Variants in TSPAN5 observed in about 807,000 individuals in gnomAD.
TSPAN5 encodes the protein tetraspanin-5.
In TSPAN5, 10 loss-of-function variants were observed where a neutral mutation model predicts 37.1. The ratio of observed to expected loss-of-function variants is 0.27; its 90% CI spans 0.17 to 0.46. The LOEUF is 0.46. Among genes scored for constraint, TSPAN5 ranks in the 20% least tolerant of loss-of-function variants. The probability of loss-of-function intolerance (pLI) is 1.00; values close to 1 mark genes in which losing one functional copy is unlikely to be tolerated. For synonymous variants in TSPAN5, 110 were observed against 118.9 expected (o/e 0.93, Z 0.48); for missense variants, 195 against 326.6 (o/e 0.60, Z 3.11).
chr4:98,656,321 C>T (rs1757293106), intron 1 of TSPAN5, among the ~76,000 whole-genome samples: 1 of 152,148 alleles, frequency 6.6e-6, no homozygotes, highest in East Asian at 1.9e-4. Flanking sequence ...AGAGAAAGTC[C>T]CTGGGTGCTT....
intron 1 of TSPAN5, among the ~76,000 whole-genome samples, chr4:98,649,266 C>A (rs188728432): frequency 3.3e-5 from 5 of 152,238 alleles, no homozygotes; most frequent in African/African-American, 9.6e-5. Context: ...CCACACCCCA[C>A]CAGCACAGAC....
chr4:98,534,884 G>T (rs1429176952), intron 1 of TSPAN5, among the ~76,000 whole-genome samples: 2 of 152,032 alleles, frequency 1.3e-5, no homozygotes, highest in Non-Finnish European at 2.9e-5. Flanking sequence ...CATTTGCTTG[G>T]TAAATATTCC....
At chr4:98,644,018 G>A (rs948218614) in intron 1 of TSPAN5, among the ~76,000 whole-genome samples, 3 of 152,100 alleles carry the variant, frequency 2.0e-5, no homozygotes, top group Admixed American at 6.5e-5. Flanking sequence ...AAAACTAACA[G>A]CCTGGTTTCT....
chr4:98,533,543 CTTTT>C lies in TSPAN5; in HGVS notation c.82-25819_82-25816del, dbSNP rs576852948. Among the ~76,000 whole-genome samples, 93 of 58,588 alleles carry C rather than the reference CTTTT, an allele frequency of 1.6e-3. 1 individual carries two copies. Among genetic ancestry groups the C allele is most frequent in the African/African-American group, 7.4e-3 (82 of 11,024 alleles). The allele number at this position is 58,588 out of a possible 152,430, so 38.4% of individuals were successfully genotyped here. A position where few individuals can be genotyped will look rare whatever the true frequency, so the allele number is the denominator to read the frequency against. On this transcript the variant is annotated intron_variant, in intron 1 of 7. Transcript: ENST00000305798. The stretch of plus-strand genomic sequence containing the variant: ...GGATTGGTGGTGATATCCCCTATAT[CTTTT>C]TTTTTTTTTTTTTTTTTTCTTGAGA...
intron 1 of TSPAN5, among the ~76,000 whole-genome samples, chr4:98,599,592 C>T (rs1755837805): frequency 6.6e-6 from 1 of 152,184 alleles, no homozygotes; most frequent in African/African-American, 2.4e-5. Flanking sequence ...TTAGTACCCC[C>T]ATGTCAAACT....
chr4:98,638,542 A>T (rs1043816619), intron 1 of TSPAN5, among the ~76,000 whole-genome samples: 1 of 152,186 alleles, frequency 6.6e-6, no homozygotes, highest in Non-Finnish European at 1.5e-5. Flanking sequence ...TGGTTATTTT[A>T]CATTTACTAG....
chr4:98,573,066 AAG>A (rs1579001653), intron 1 of TSPAN5, among the ~76,000 whole-genome samples: 1 of 152,358 alleles, frequency 6.6e-6, no homozygotes, highest in Non-Finnish European at 1.5e-5. Context: ...CTTATGGAGA[AAG>A]AGGATATTGA....
At chr4:98,609,342 C>T (rs755246446) in intron 1 of TSPAN5, among the ~76,000 whole-genome samples, 24 of 152,316 alleles carry the variant, frequency 1.6e-4, no homozygotes, top group Admixed American at 2.6e-4. Context: ...GAGTGGGGCG[C>T]ACCCAACCCC....
intron 1 of TSPAN5, among the ~76,000 whole-genome samples, chr4:98,523,617 G>T (rs1419566106): frequency 6.6e-6 from 1 of 152,096 alleles, no homozygotes; most frequent in East Asian, 1.9e-4. Flanking sequence ...GTATTTTTTA[G>T]TAGAGACAAG....
chr4:98,617,971 C>G (rs1756377542), intron 1 of TSPAN5, among the ~76,000 whole-genome samples: 1 of 152,240 alleles, frequency 6.6e-6, no homozygotes, highest in Admixed American at 6.5e-5. Flanking sequence ...CTTCACTTCA[C>G]AACAGGCCAT....
chr4:98,478,618 G>C (rs1752759831), intron 5 of TSPAN5, 67 bp downstream of exon 5: 1 of 1,601,936 alleles, frequency 6.2e-7, no homozygotes, highest in Admixed American at 1.7e-5. Context: ...AAATCACTCT[G>C]CTCGTCCCAT....
intron 1 of TSPAN5, among the ~76,000 whole-genome samples, chr4:98,622,786 G>A (rs569634066): frequency 5.9e-5 from 9 of 152,284 alleles, no homozygotes; most frequent in South Asian, 2.1e-4. Flanking sequence ...GATTCCATGA[G>A]AGAAAGTGCA....
rs765194857 is a variant in TSPAN5, at chr4:98,486,713, TGA to T, written c.279+23_279+24del. On this transcript the variant is annotated intron_variant, in intron 3 of 7. Transcript: ENST00000305798. ...GAAGGTAAAGTTTTGGCTCTCAATC[TGA>T]GAGTAGAGAGTGGAATACTTACAAA... 8.7e-6 allele frequency: 14 copies of T among 1,613,504 alleles called. No homozygotes were observed. In the East Asian group the frequency reaches 3.1e-4, roughly 36 times the overall value.
intron 3 of TSPAN5, chr4:98,484,346 T>C: frequency 2.3e-6 from 1 of 427,950 alleles, no homozygotes; most frequent in South Asian, 1.7e-5. Flanking sequence ...GGGAATCAGA[T>C]CTTTAGAGCT....
intron 1 of TSPAN5, among the ~76,000 whole-genome samples, chr4:98,652,058 C>A (rs949151132): frequency 6.6e-6 from 1 of 151,822 alleles, no homozygotes; most frequent in Non-Finnish European, 1.5e-5. Context: ...TAGGGTCTCA[C>A]TATGTTACCC....
chr4:98,566,716 T>C (rs1189709826), intron 1 of TSPAN5, among the ~76,000 whole-genome samples: 5 of 152,124 alleles, frequency 3.3e-5, no homozygotes. Context: ...GGGTGGCATA[T>C]ATGCAGCTGA....
At chr4:98,613,517 T>G (rs1756250222) in intron 1 of TSPAN5, among the ~76,000 whole-genome samples, 1 of 152,220 alleles carries the variant, frequency 6.6e-6, no homozygotes, top group Non-Finnish European at 1.5e-5. Context: ...CATAATCCTG[T>G]GCTCTCTAAT....
At chr4:98,558,657 C>G (rs1372578926) in intron 1 of TSPAN5, among the ~76,000 whole-genome samples, 2 of 152,170 alleles carry the variant, frequency 1.3e-5, no homozygotes, top group Admixed American at 1.3e-4. Context: ...AATGCAGTTT[C>G]TAAATGCTGA....
intron 1 of TSPAN5, among the ~76,000 whole-genome samples, chr4:98,620,041 C>T (rs1756446876): frequency 6.6e-6 from 1 of 152,264 alleles, no homozygotes; most frequent in African/African-American, 2.4e-5. Context: ...AGAATTTGGG[C>T]AGTTTTTAAA....
Sources: gnomAD v4.1 joint callset for allele counts (sites outside exome capture counted in the v4.1 genomes callset) on GRCh38, gnomAD v4.1.1 for gene constraint, MANE v1.5 for transcripts, NCBI Gene and HGNC (gene_info 2026-07-23, HGNC 2026-07-21) for gene names.